LIMK1: variants seen among roughly 807,000 people sequenced by gnomAD.
LIMK1 encodes LIM motif-containing protein kinase.
Under a neutral mutation model 77.6 loss-of-function variants are expected in LIMK1, and 21 were observed. That is an observed-to-expected ratio of 0.27 (90% CI 0.19 to 0.39). The LOEUF is 0.39. Among genes scored for constraint, LIMK1 ranks in the 10% least tolerant of loss-of-function variants. The pLI is 1.00. For synonymous variants in LIMK1, 358 were observed against 370.0 expected (o/e 0.97, Z 0.37); for missense variants, 696 against 901.6 (o/e 0.77, Z 2.92).
At chr7:74,094,696 C>T (rs1159120642) in intron 2 of LIMK1, among the ~76,000 whole-genome samples, 1 of 152,130 alleles carries the variant, frequency 6.6e-6, no homozygotes, top group South Asian at 2.1e-4. Flanking sequence ...ACGGGAGGTG[C>T]CCTGTAGACC....
chr7:74,114,719 T>C (rs1304258770), intron 12 of LIMK1, among the ~76,000 whole-genome samples: 4 of 149,916 alleles, frequency 2.7e-5, no homozygotes. Context: ...ATCGAGACCA[T>C]CCTGGCTAAC....
intron 2 of LIMK1, among the ~76,000 whole-genome samples, chr7:74,089,704 G>T (rs191205804): frequency 9.9e-5 from 15 of 152,234 alleles, no homozygotes; most frequent in Non-Finnish European, 1.0e-4. Flanking sequence ...GGGGACATGG[G>T]CTATCCATGG....
At chr7:74,100,419 G>T (rs1348893884) in intron 5 of LIMK1, among the ~76,000 whole-genome samples, 1 of 152,072 alleles carries the variant, frequency 6.6e-6, no homozygotes, top group Non-Finnish European at 1.5e-5. Context: ...CTACTTTTGG[G>T]CAATTGGTCA....
At chr7:74,105,849 T>G (rs1446883954) in intron 5 of LIMK1, 26 bp from the exon 6 acceptor site, 1 of 1,579,104 alleles carries the variant, frequency 6.3e-7, no homozygotes, top group African/African-American at 1.3e-5. Flanking sequence ...AGGTGGGCAC[T>G]GGCCTGACCC....
At chr7:74,109,335 G>T in intron 10 of LIMK1, 1 of 381,044 alleles carries the variant, frequency 2.6e-6, no homozygotes, top group Non-Finnish European at 5.0e-6. Flanking sequence ...ACTCCAGCCT[G>T]GACCACACAG....
intron 2 of LIMK1, among the ~76,000 whole-genome samples, chr7:74,086,763 CA>C (rs1799144696): frequency 6.6e-6 from 1 of 152,092 alleles, no homozygotes; most frequent in Non-Finnish European, 1.5e-5. Context: ...GGCACCCAGA[CA>C]GGGGGAAGAG....
rs1244524192 is a variant in LIMK1 at position 74,121,976 on chromosome 7, C to G, written c.*675C>G. 1 of 152,678 alleles carries G rather than the reference C, an allele frequency of 6.5e-6. No homozygotes were observed. The highest frequency in any genetic ancestry group is 1.5e-5 in the Non-Finnish European group (1 of 68,072). The allele number at this position is 152,678 out of a possible 1,614,324, so 9.5% of individuals were successfully genotyped here. A position where few individuals can be genotyped will look rare whatever the true frequency, so the allele number is the denominator to read the frequency against. ...TTCTTAAAGCCACTTTAGTGAGAAG[C>G]AGGTACCAAGCCTCAGGGTGAAGGG... is the stretch of plus-strand genomic sequence containing the variant. On this transcript the variant is annotated 3_prime_UTR_variant, in exon 16 of 16. Transcript: ENST00000336180.
At chr7:74,094,904 A>G (rs1184108241) in intron 2 of LIMK1, among the ~76,000 whole-genome samples, 1 of 151,832 alleles carries the variant, frequency 6.6e-6, no homozygotes, top group East Asian at 1.9e-4. Flanking sequence ...CCCTTCCTGG[A>G]TGCACCCCTC....
chr7:74,094,265 CA>C (rs1554695229), intron 2 of LIMK1: 1 of 152,262 alleles, frequency 6.6e-6, no homozygotes, highest in Non-Finnish European at 1.5e-5. Context: ...CAAGTGCACT[CA>C]AACCCTCGGG....
intron 2 of LIMK1, among the ~76,000 whole-genome samples, chr7:74,092,387 G>A (rs1160245683): frequency 6.6e-6 from 1 of 152,188 alleles, no homozygotes; most frequent in Admixed American, 6.5e-5. Context: ...TGTGATGGGG[G>A]CCTGCAGGCT....
rs201978986 is a variant in LIMK1, at chr7:74,115,956, A to G, written c.1565A>G (p.Asn522Ser). ...TACTGGATGGCACCTGAGATGATCAACGGTGAGTGGTTCAGCCCTGCCCAT... is the reference window on the plus strand; with the variant it reads ...TACTGGATGGCACCTGAGATGATCAGCGGTGAGTGGTTCAGCCCTGCCCAT... ...NPYWMAPEMINGRSYDEKVDV... is the reference protein window; with the variant it reads ...NPYWMAPEMISGRSYDEKVDV... The change falls in exon 13 of 16, where the codon AAC (asparagine) becomes AGC (serine). Residue 522 changes from asparagine to serine, a missense_variant and splice_region_variant. This residue lies in a region of LIMK1 where 438 missense variants were observed against 602.3 expected (regional missense o/e 0.73). Coordinates refer to ENST00000336180, the MANE Select transcript of LIMK1 (RefSeq NM_002314.4). 9.9e-6 allele frequency: 16 copies of G among 1,613,766 alleles called. No homozygotes were observed. Among genetic ancestry groups the G allele is most frequent in the East Asian group, 4.5e-5 (2 of 44,862 alleles).
At position 74,108,982 on chromosome 7, in the gene LIMK1, C is replaced by T. The variant is rs1434377004; in HGVS notation, c.1230C>T (p.Asn410=). ...TGCTCTACAAGGACAAGAGGCTCAA[C>T]TTCATCACTGAGTACATCAAGGGCG... ...IGVLYKDKRL[N]FITEYIKGGT... The change falls in exon 10 of 16, where the codon AAC becomes AAT. Residue 410 remains asparagine (N), a synonymous_variant. Coordinates refer to ENST00000336180, the MANE Select transcript of LIMK1 (RefSeq NM_002314.4). 2 of 1,614,042 alleles carry T rather than the reference C, an allele frequency of 1.2e-6. No homozygotes were observed. Among genetic ancestry groups the T allele is most frequent in the African/African-American group, 1.3e-5 (1 of 74,932 alleles).
At chr7:74,089,815 A>T (rs922435189) in intron 2 of LIMK1, among the ~76,000 whole-genome samples, 3 of 152,008 alleles carry the variant, frequency 2.0e-5, no homozygotes, top group African/African-American at 7.3e-5. Flanking sequence ...TGAGATGGTG[A>T]GTGGGATTTG....
chr7:74,094,783 G>A (rs565721813), intron 2 of LIMK1, among the ~76,000 whole-genome samples: 31 of 142,898 alleles, frequency 2.2e-4, no homozygotes, highest in African/African-American at 4.8e-4. Flanking sequence ...GCTGTGCACC[G>A]AGTGGGGCAG....
intron 5 of LIMK1, among the ~76,000 whole-genome samples, chr7:74,102,041 C>G (rs1799469437): frequency 6.6e-6 from 1 of 152,098 alleles, no homozygotes. Context: ...CCAGGCTAGT[C>G]TTGAACTCCT....
intron 2 of LIMK1, among the ~76,000 whole-genome samples, chr7:74,092,608 T>TA (rs1296838356): frequency 1.3e-5 from 2 of 152,130 alleles, no homozygotes; most frequent in African/African-American, 4.8e-5. Context: ...TTGGCTCACA[T>TA]ACTGCCTCTG....
chr7:74,092,116 C>G (rs970700053), intron 2 of LIMK1, among the ~76,000 whole-genome samples: 1 of 151,834 alleles, frequency 6.6e-6, no homozygotes, highest in Non-Finnish European at 1.5e-5. Context: ...CAGGCGCCCA[C>G]CACCACACCT....
intron 12 of LIMK1, among the ~76,000 whole-genome samples, chr7:74,114,117 G>A (rs1383956838): frequency 2.0e-5 from 3 of 152,016 alleles, no homozygotes; most frequent in African/African-American, 4.8e-5. Context: ...GGGCGTGGTG[G>A]TGGGTGCCTG....
At chr7:74,120,683 T>C (rs1799915658) in intron 14 of LIMK1, 45 bp downstream of exon 14, 1 of 1,604,056 alleles carries the variant, frequency 6.2e-7, no homozygotes, top group Non-Finnish European at 8.5e-7. Context: ...CCTGGGCTCC[T>C]CCCCACTCAC....
Sources: allele counts gnomAD v4.1 joint callset (sites outside exome capture counted in the v4.1 genomes callset), GRCh38; gene constraint gnomAD v4.1.1; regional missense constraint gnomAD v4.1.1; transcripts MANE v1.5; gene names NCBI Gene and HGNC (gene_info 2026-07-23, HGNC 2026-07-21).